Variants in PATE4 observed in about 807,000 individuals in gnomAD.
PATE4 encodes prostate and testis expressed protein 4.
Under a neutral mutation model 8.5 loss-of-function variants are expected in PATE4, and 13 were observed. The observed-to-expected ratio is 1.53, with a 90% CI of 1.00 to 2.43. The LOEUF (loss-of-function observed/expected upper bound fraction) is 2.43. Ranked by LOEUF, PATE4 falls within the 30% of genes most tolerant of loss-of-function variation. The pLI, the probability that PATE4 is intolerant of heterozygous loss-of-function variation, is 0.00. For synonymous variants in PATE4, 47 were observed against 39.3 expected, an observed-to-expected ratio of 1.20 and a Z score of -0.73; for missense variants, 127 against 115.5, an observed-to-expected ratio of 1.10 and a Z score of -0.46.
Position 125,838,375 on chromosome 11 carries a change from G to C in PATE4, c.245G>C (p.Gly82Ala), listed in dbSNP as rs757399298. ...KCREEESSKR[G>A]LLRVTLCCDR... Reference sequence around the variant, plus strand: ...CGGGAAGAGGAGTCCTCCAAAAGAGGCCTGTTGAGAGTGACACTGTGCTGT... The same window carrying C: ...CGGGAAGAGGAGTCCTCCAAAAGAGCCCTGTTGAGAGTGACACTGTGCTGT... The change falls in exon 3 of 3, where the codon GGC (glycine) becomes GCC (alanine). Residue 82 changes from glycine to alanine, a missense_variant. Coordinates refer to ENST00000457514, the MANE Select transcript of PATE4 (RefSeq NM_001144874.1). 4.3e-5 allele frequency: 67 copies of C among 1,551,372 alleles called. No individual in the cohort carries two copies. The highest frequency in any genetic ancestry group is 5.6e-5 in the Non-Finnish European group (64 of 1,146,884).
intron 2 of PATE4, 118 bp downstream of exon 2, chr11:125,838,102 A>G: frequency 1.0e-6 from 1 of 993,608 alleles, no homozygotes; most frequent in South Asian, 1.6e-5. Flanking sequence ...CAAGGAATAA[A>G]AGAGGGGGCA....
Position 125,837,990 on chromosome 11 carries a change from T to A in PATE4, c.175+6T>A, listed in dbSNP as rs1014249522. The stretch of plus-strand genomic sequence containing the variant: ...AACAACAGCCTATTTCAGGGGTAAG[T>A]GGGGCTCATGAAGACTCCAAAATTG... On this transcript the variant is annotated splice_donor_region_variant and intron_variant, in intron 2 of 2. Coordinates refer to ENST00000457514, the MANE Select transcript of PATE4 (RefSeq NM_001144874.1). The A allele has an allele frequency of 5.2e-6, 8 of 1,547,436 alleles. No individual in the cohort carries two copies. In the African/African-American group the frequency reaches 1.1e-4, roughly 21 times the overall value.
In PATE4 at chr11:125,839,977, T is replaced by C. The variant is rs1943949910; in HGVS notation, c.*1550T>C. On this transcript the variant is annotated 3_prime_UTR_variant, in exon 3 of 3. Transcript: ENST00000457514. ...GTGAGGGTCTCTGGGGACTTTGTTTTGATTTGTTATTGTTTTTATATTCAG... is the reference window on the plus strand; with the variant it reads ...GTGAGGGTCTCTGGGGACTTTGTTTCGATTTGTTATTGTTTTTATATTCAG... The C allele has an allele frequency of 6.6e-6, 1 of 152,208 alleles. No homozygotes were observed. The highest frequency in any genetic ancestry group is 2.1e-4 in the South Asian group (1 of 4,818). The allele number at this position is 152,208 out of a possible 1,614,324, so 9.4% of individuals were successfully genotyped here.
rs1417187420 is a variant in PATE4 at position 125,839,969 on chromosome 11, CT to C, written c.*1545del. ...AATCCTCTGTGAGGGTCTCTGGGGA[CT>C]TTGTTTTGATTTGTTATTGTTTTTA... On this transcript the variant is annotated 3_prime_UTR_variant, in exon 3 of 3. Coordinates refer to ENST00000457514, the MANE Select transcript of PATE4 (RefSeq NM_001144874.1). 6.6e-6 allele frequency: 1 copy of C among 152,136 alleles called. No individual in the cohort carries two copies. Among genetic ancestry groups the C allele is most frequent in the Non-Finnish European group, 1.5e-5 (1 of 68,034 alleles). The allele number at this position is 152,136 out of a possible 1,614,324, so 9.4% of individuals were successfully genotyped here.
rs1367730457 is a variant in PATE4, at chr11:125,839,182, G to A, written c.*755G>A. 6.6e-6 allele frequency: 1 copy of A among 152,172 alleles called. No homozygotes were observed. The highest frequency in any genetic ancestry group is 1.5e-5 in the Non-Finnish European group (1 of 68,036). 9.4% of individuals were successfully genotyped at this position (152,172 alleles called of 1,614,324 possible). Reference sequence around the variant, plus strand: ...ACTAAGTTTGCAATAATTTATTATAGCAGCAATGGGAAACTAATACAATCC... The same window carrying A: ...ACTAAGTTTGCAATAATTTATTATAACAGCAATGGGAAACTAATACAATCC... On this transcript the variant is annotated 3_prime_UTR_variant, in exon 3 of 3. Coordinates refer to ENST00000457514, the MANE Select transcript of PATE4 (RefSeq NM_001144874.1).
At position 125,838,588 on chromosome 11, in the gene PATE4, C is replaced by T; in HGVS notation, c.*161C>T. 1.5e-6 allele frequency: 1 copy of T among 649,062 alleles called. No individual in the cohort carries two copies. Among genetic ancestry groups the T allele is most frequent in the East Asian group, 3.1e-5 (1 of 32,178 alleles). The allele number at this position is 649,062 out of a possible 1,614,324, so 40.2% of individuals were successfully genotyped here. On this transcript the variant is annotated 3_prime_UTR_variant, in exon 3 of 3. Transcript: ENST00000457514. ...TTGCAATGAAGGGGCTCCCCACACC[C>T]CACCTCCACCACTAGATTCCTAAAA...
At chr11:125,835,902 A>AC (rs1011713494) in intron 1 of PATE4, 4 of 151,514 alleles carry the variant, frequency 2.6e-5, no homozygotes, top group Non-Finnish European at 5.9e-5. Flanking sequence ...AGTTAAAGCC[A>AC]CCCCCTCCTG....
chr11:125,837,679 T>C (rs1943930155), intron 1 of PATE4, among the ~76,000 whole-genome samples, 189 bp from the exon 2 acceptor site: 1 of 152,236 alleles, frequency 6.6e-6, no homozygotes, highest in Non-Finnish European at 1.5e-5. Flanking sequence ...TCACAGAGAC[T>C]GTGTCTTATC....
chr11:125,834,129 A>G (rs1320163620), intron 1 of PATE4, among the ~76,000 whole-genome samples: 1 of 152,236 alleles, frequency 6.6e-6, no homozygotes, highest in African/African-American at 2.4e-5. Flanking sequence ...TAAAAGAATT[A>G]TAAGAAAATG....
chr11:125,836,123 C>CT (rs59732867), intron 1 of PATE4, among the ~76,000 whole-genome samples: 104,421 of 140,614 alleles, frequency 0.74, 38,658 homozygotes, highest in East Asian at 0.81. Context: ...GATGGCAAGA[C>CT]TTTTTTTTTT....
At position 125,839,481 on chromosome 11, in the gene PATE4, C is replaced by T. The variant is rs1943944669; in HGVS notation, c.*1054C>T. On this transcript the variant is annotated 3_prime_UTR_variant, in exon 3 of 3. Coordinates refer to ENST00000457514, the MANE Select transcript of PATE4 (RefSeq NM_001144874.1). ...GTCCTAATAGCTCAATTTATCAGTTCCTCATTAGCTTGTGTACTCACTGAA... is the reference window on the plus strand; with the variant it reads ...GTCCTAATAGCTCAATTTATCAGTTTCTCATTAGCTTGTGTACTCACTGAA... 6.6e-6 allele frequency: 1 copy of T among 152,214 alleles called. No homozygotes were observed. The highest frequency in any genetic ancestry group is 1.9e-4 in the East Asian group (1 of 5,198). The allele number at this position is 152,214 out of a possible 1,614,324, so 9.4% of individuals were successfully genotyped here.
intron 1 of PATE4, 39 bp from the exon 2 acceptor site, chr11:125,837,829 A>G: frequency 6.8e-7 from 1 of 1,465,294 alleles, no homozygotes; most frequent in Non-Finnish European, 9.3e-7. Flanking sequence ...CCATTGTCCC[A>G]CAATCCAGCC....
rs1265785476 is a variant in PATE4, at chr11:125,838,724, T to C, written c.*297T>C. The C allele has an allele frequency of 3.5e-6, 1 of 287,172 alleles. No individual in the cohort carries two copies. Among genetic ancestry groups the C allele is most frequent in the Non-Finnish European group, 6.4e-6 (1 of 156,066 alleles). 17.8% of individuals were successfully genotyped at this position (287,172 alleles called of 1,614,324 possible). ...GCTAAATAATGGACCCCCAAATATT[T>C]CTACATCCTAATCTCTGGAACCTGT... is the stretch of plus-strand genomic sequence containing the variant. On this transcript the variant is annotated 3_prime_UTR_variant, in exon 3 of 3. Coordinates refer to ENST00000457514, the MANE Select transcript of PATE4 (RefSeq NM_001144874.1).
At position 125,838,740 on chromosome 11, in the gene PATE4, T is replaced by C; in HGVS notation, c.*313T>C. On this transcript the variant is annotated 3_prime_UTR_variant, in exon 3 of 3. Coordinates refer to ENST00000457514, the MANE Select transcript of PATE4 (RefSeq NM_001144874.1). ...CCAAATATTTCTACATCCTAATCTC[T>C]GGAACCTGTGAATGTTACCTTACAT... 1 of 254,896 alleles carries C rather than the reference T, an allele frequency of 3.9e-6. No homozygotes were observed. Among genetic ancestry groups the C allele is most frequent in the East Asian group, 7.6e-5 (1 of 13,222 alleles). 15.8% of individuals were successfully genotyped at this position (254,896 alleles called of 1,614,324 possible). A position where few individuals can be genotyped will look rare whatever the true frequency, so the allele number is the denominator to read the frequency against.
chr11:125,834,711 T>A (rs1164499360), intron 1 of PATE4, among the ~76,000 whole-genome samples: 44 of 152,146 alleles, frequency 2.9e-4, no homozygotes, highest in Non-Finnish European at 8.8e-5. Flanking sequence ...CCCACACAAA[T>A]GAAATATGTT....
rs1180144242 is a variant in PATE4 at position 125,838,603 on chromosome 11, G to C, written c.*176G>C. The C allele has an allele frequency of 3.4e-6, 2 of 593,708 alleles. No homozygotes were observed. The highest frequency in any genetic ancestry group is 5.4e-6 in the Non-Finnish European group (2 of 373,666). 36.8% of individuals were successfully genotyped at this position (593,708 alleles called of 1,614,324 possible). On this transcript the variant is annotated 3_prime_UTR_variant, in exon 3 of 3. Transcript: ENST00000457514. Reference sequence around the variant, plus strand: ...TCCCCACACCCCACCTCCACCACTAGATTCCTAAAATCATGAGCATTGAAA... The same window carrying C: ...TCCCCACACCCCACCTCCACCACTACATTCCTAAAATCATGAGCATTGAAA...
chr11:125,833,339 T>G lies in PATE4; in HGVS notation c.-21T>G, dbSNP rs962085835. 1 of 1,550,988 alleles carries G rather than the reference T, an allele frequency of 6.4e-7. No homozygotes were observed. Among genetic ancestry groups the G allele is most frequent in the Non-Finnish European group, 8.7e-7 (1 of 1,146,442 alleles). On this transcript the variant is annotated 5_prime_UTR_variant, in exon 1 of 3. Transcript: ENST00000457514. ...CCAATACCTCACTCAGCACACCGTC[T>G]GTCACCCAAACAAGCATCCAATGAG...
intron 2 of PATE4, 86 bp from the exon 3 acceptor site, chr11:125,838,220 G>T (rs781595150): frequency 4.3e-6 from 6 of 1,389,854 alleles, no homozygotes; most frequent in Non-Finnish European, 5.7e-6. Flanking sequence ...CCAGTGTTAA[G>T]TGCTATTCCT....
chr11:125,835,234 T>C (rs976191925), intron 1 of PATE4: 2 of 152,228 alleles, frequency 1.3e-5, no homozygotes, highest in Non-Finnish European at 1.5e-5. Context: ...AGAAGCCTCA[T>C]GAAAGTTGCT....
Sources: allele counts gnomAD v4.1 joint callset (sites outside exome capture counted in the v4.1 genomes callset), GRCh38; gene constraint gnomAD v4.1.1; transcripts MANE v1.5; gene names NCBI Gene and HGNC (gene_info 2026-07-23, HGNC 2026-07-21).